Variants in CADM2 observed in about 807,000 individuals in gnomAD.
CADM2 encodes immunoglobulin superfamily member 4D.
A neutral mutation model predicts 49.8 loss-of-function variants in CADM2; 12 were observed. The observed-to-expected ratio is 0.24, with a 90% CI of 0.15 to 0.39. The LOEUF is 0.39. Ranked by LOEUF, CADM2 falls within the 10% of genes least tolerant of loss-of-function variation. The pLI, the probability that CADM2 is intolerant of heterozygous loss-of-function variation, is 1.00. For synonymous variants in CADM2, 214 were observed against 175.4 expected (o/e 1.22, Z -1.74); for missense variants, 378 against 492.3 (o/e 0.77, Z 2.20).
intron 1 of CADM2, among the ~76,000 whole-genome samples, chr3:85,402,018 T>G (rs1362329613): frequency 1.3e-5 from 2 of 152,226 alleles, no homozygotes; most frequent in Non-Finnish European, 2.9e-5. Context: ...AAAATAGTAT[T>G]GTTCAAATGT....
intron 8 of CADM2, among the ~76,000 whole-genome samples, chr3:86,045,524 G>A (rs1278955661): frequency 1.3e-5 from 2 of 152,138 alleles, no homozygotes; most frequent in Non-Finnish European, 2.9e-5. Flanking sequence ...ACCATGTGCT[G>A]TGAAATTGAA....
chr3:85,700,072 CT>C (rs1271156157), intron 1 of CADM2, among the ~76,000 whole-genome samples: 1 of 152,156 alleles, frequency 6.6e-6, no homozygotes, highest in Non-Finnish European at 1.5e-5. Flanking sequence ...AAAGCAAAGA[CT>C]TGGAACCAAC....
In CADM2 at chr3:86,036,000, G is replaced by A. The variant is rs77825397; in HGVS notation, c.971-29605G>A. On this transcript the variant is annotated intron_variant, in intron 8 of 9. Coordinates refer to ENST00000383699, the MANE Select transcript of CADM2 (RefSeq NM_001167675.2). ...TCTTGTGTCTCTTCTGTTTCTAAAA[G>A]CATAAATTCCATCATGGATGATCGA... Among the ~76,000 whole-genome samples, 38 of 152,122 alleles carry A rather than the reference G, an allele frequency of 2.5e-4. No individual in the cohort carries two copies. The East Asian group carries it at 5.0e-3, about 20-fold the overall frequency.
At chr3:85,188,017 T>G (rs1313302933) in intron 1 of CADM2, among the ~76,000 whole-genome samples, 5 of 152,026 alleles carry the variant, frequency 3.3e-5, no homozygotes, top group Admixed American at 6.6e-5. Flanking sequence ...AGTTATTATC[T>G]AAATTATTTA....
At chr3:85,180,935 T>C (rs770425874) in intron 1 of CADM2, among the ~76,000 whole-genome samples, 3 of 152,142 alleles carry the variant, frequency 2.0e-5, no homozygotes, top group Non-Finnish European at 2.9e-5. Context: ...TATAAGTGAT[T>C]AGTCCCTAAA....
intron 1 of CADM2, among the ~76,000 whole-genome samples, chr3:85,664,839 A>G (rs928183812): frequency 6.6e-6 from 1 of 152,010 alleles, no homozygotes. Context: ...CTAAAATGGC[A>G]GTCACCCCTG....
intron 1 of CADM2, among the ~76,000 whole-genome samples, chr3:85,675,776 G>C (rs963368465): frequency 6.6e-6 from 1 of 152,162 alleles, no homozygotes; most frequent in Non-Finnish European, 1.5e-5. Flanking sequence ...TGTGACAAAA[G>C]TGTTGTCTAA....
chr3:85,850,314 CTTTTTTTTTTTTTTT>C lies in CADM2; in HGVS notation c.239-32963_239-32949del, dbSNP rs577604958. ...CTCTCTGTTCTGGTCTGTTGCAATTCTTTTTTTTTTTTTTTTTTTTTTTTTTTTGAGACAGAGTCT... is the reference window on the plus strand; with the variant it reads ...CTCTCTGTTCTGGTCTGTTGCAATTCTTTTTTTTTTTTTGAGACAGAGTCT... On this transcript the variant is annotated intron_variant, in intron 3 of 9. Coordinates refer to ENST00000383699, the MANE Select transcript of CADM2 (RefSeq NM_001167675.2). Among the ~76,000 whole-genome samples the C allele has an allele frequency of 4.3e-4, 33 of 76,064 alleles. 1 individual carries two copies. Among genetic ancestry groups the C allele is most frequent in the Non-Finnish European group, 5.5e-4 (22 of 39,672 alleles). 49.9% of individuals were successfully genotyped at this position (76,064 alleles called of 152,430 possible).
intron 1 of CADM2, among the ~76,000 whole-genome samples, chr3:85,218,689 G>T (rs546705957): frequency 6.6e-6 from 1 of 152,086 alleles, no homozygotes; most frequent in African/African-American, 2.4e-5. Context: ...CCAGCTACTC[G>T]GGAGGCTGAA....
intron 1 of CADM2, among the ~76,000 whole-genome samples, chr3:84,983,207 A>G (rs2032318226): frequency 6.6e-6 from 1 of 152,164 alleles, no homozygotes; most frequent in Non-Finnish European, 1.5e-5. Flanking sequence ...CTAAAAGACC[A>G]TTTAAAATAG....
In CADM2 at chr3:85,477,504, C is replaced by A. The variant is rs575802075; in HGVS notation, c.62-249018C>A. On this transcript the variant is annotated intron_variant, in intron 1 of 9. Coordinates refer to ENST00000383699, the MANE Select transcript of CADM2 (RefSeq NM_001167675.2). ...CAGATGATGGAAAAGTAGAATAGAT[C>A]ATCTTTTCCCTTATGTATTATTTTT... is the stretch of plus-strand genomic sequence containing the variant. Among the ~76,000 whole-genome samples, 5 of 151,898 alleles carry A rather than the reference C, an allele frequency of 3.3e-5. No individual in the cohort carries two copies. In the South Asian group the frequency reaches 8.3e-4, roughly 25 times the overall value.
intron 1 of CADM2, among the ~76,000 whole-genome samples, chr3:85,058,068 G>C (rs945634273): frequency 6.6e-6 from 1 of 152,136 alleles, no homozygotes; most frequent in African/African-American, 2.4e-5. Flanking sequence ...TCTTTGAATG[G>C]AATTATTATA....
At chr3:85,318,189 AAAG>A (rs1023416945) in intron 1 of CADM2, among the ~76,000 whole-genome samples, 9 of 151,436 alleles carry the variant, frequency 5.9e-5, no homozygotes, top group African/African-American at 2.2e-4. Context: ...AAAAAGAAAA[AAAG>A]AAAAAAATAT....
chr3:85,435,265 G>A (rs1172838588), intron 1 of CADM2, among the ~76,000 whole-genome samples: 2 of 152,016 alleles, frequency 1.3e-5, no homozygotes, highest in African/African-American at 4.8e-5. Context: ...AGGACATGTG[G>A]TGTTTGGTTT....
intron 1 of CADM2, among the ~76,000 whole-genome samples, chr3:85,149,484 T>C (rs1309174827): frequency 6.6e-6 from 1 of 152,176 alleles, no homozygotes; most frequent in Non-Finnish European, 1.5e-5. Flanking sequence ...CCCAGCACTT[T>C]GGGAGGCTGA....
At chr3:84,984,371 A>AAAC (rs2032418097) in intron 1 of CADM2, among the ~76,000 whole-genome samples, 1 of 143,632 alleles carries the variant, frequency 7.0e-6, no homozygotes, top group South Asian at 2.1e-4. Context: ...AAAAAAAAAA[A>AAAC]AAAAAAAAAA....
At chr3:86,038,719 C>A (rs1735474329) in intron 8 of CADM2, among the ~76,000 whole-genome samples, 1 of 152,188 alleles carries the variant, frequency 6.6e-6, no homozygotes, top group African/African-American at 2.4e-5. Context: ...ATTCAATTCA[C>A]ATATTTAATT....
At chr3:85,016,442 A>G (rs2034251564) in intron 1 of CADM2, among the ~76,000 whole-genome samples, 1 of 152,216 alleles carries the variant, frequency 6.6e-6, no homozygotes, top group Non-Finnish European at 1.5e-5. Flanking sequence ...AGAATTTAGT[A>G]GACCTATACC....
intron 8 of CADM2, among the ~76,000 whole-genome samples, chr3:86,028,978 T>C (rs1734244946): frequency 6.6e-6 from 1 of 152,156 alleles, no homozygotes; most frequent in Admixed American, 6.6e-5. Flanking sequence ...GGACTAGATA[T>C]GGCTGGATAG....
Sources: gnomAD v4.1 joint callset for allele counts (sites outside exome capture counted in the v4.1 genomes callset) on GRCh38, gnomAD v4.1.1 for gene constraint, MANE v1.5 for transcripts, NCBI Gene and HGNC (gene_info 2026-07-23, HGNC 2026-07-21) for gene names.